Variants in SOCS6 observed in about 807,000 individuals in gnomAD.
SOCS6 encodes STAT induced STAT inhibitor-4.
SOCS6 carries 5 observed loss-of-function variants against 27.7 expected under a neutral mutation model. That is an observed-to-expected ratio of 0.18 (90% CI 0.09 to 0.38). The LOEUF (loss-of-function observed/expected upper bound fraction) is 0.38, where lower values mean the gene tolerates loss of function less well. Among genes scored for constraint, SOCS6 ranks in the 10% least tolerant of loss-of-function variants. The probability of loss-of-function intolerance (pLI) is 1.00; values close to 1 mark genes in which losing one functional copy is unlikely to be tolerated. For missense variants in SOCS6, 595 were observed against 688.1 expected, an observed-to-expected ratio of 0.86 and a Z score of 1.51; for synonymous variants, 271 against 260.0, an observed-to-expected ratio of 1.04 and a Z score of -0.41.
Position 70,326,558 on chromosome 18 carries a change from G to A in SOCS6, c.*282G>A. 2.8e-6 allele frequency: 1 copy of A among 359,478 alleles called. No homozygotes were observed. Among genetic ancestry groups the A allele is most frequent in the Non-Finnish European group, 5.2e-6 (1 of 190,614 alleles). The allele number at this position is 359,478 out of a possible 1,614,324, so 22.3% of individuals were successfully genotyped here. A position where few individuals can be genotyped will look rare whatever the true frequency, so the allele number is the denominator to read the frequency against. On this transcript the variant is annotated 3_prime_UTR_variant, in exon 2 of 2. Coordinates refer to ENST00000397942, the MANE Select transcript of SOCS6 (RefSeq NM_004232.4). ...TGTGAATTATCAAATTCTCCTCAAT[G>A]CCCCCCCCGCCCAGTCCTTTGCTGC...
rs1453432218 is a variant in SOCS6 at position 70,326,094 on chromosome 18, C to G, written c.1426C>G (p.Arg476Gly). The G allele has an allele frequency of 6.2e-7, 1 of 1,614,190 alleles. No homozygotes were observed. The change falls in exon 2 of 2, where the codon CGG becomes GGG. Residue 476 changes from arginine (R) to glycine (G), a missense_variant. Physicochemically the swap from Arg to Gly is moderately radical, Grantham distance 125 (BLOSUM62 -2). This residue lies in a region of SOCS6 where 128 missense variants were observed against 207.0 expected (regional missense o/e 0.62). Transcript: ENST00000397942. ...ENGAFCYSRS[R>G]LPGSATYPVR... ...TGGAGCTTTTTGTTATTCAAGGTCT[C>G]GGCTGCCTGGATCTGCAACTTACCC...
Position 70,329,790 on chromosome 18 carries a change from A to C in SOCS6, c.*3514A>C, listed in dbSNP as rs1033624755. 8.4e-5 allele frequency: 14 copies of C among 167,064 alleles called. No homozygotes were observed. Among genetic ancestry groups the C allele is most frequent in the African/African-American group, 3.4e-4 (14 of 41,454 alleles). 10.3% of individuals were successfully genotyped at this position (167,064 alleles called of 1,614,324 possible). On this transcript the variant is annotated 3_prime_UTR_variant, in exon 2 of 2. Coordinates refer to ENST00000397942, the MANE Select transcript of SOCS6 (RefSeq NM_004232.4). Reference sequence around the variant, plus strand: ...ATCCTGTAAAGAAGGGTTTTTATAAACATTCTTTTTATTAATCAGTCATAA... The same window carrying C: ...ATCCTGTAAAGAAGGGTTTTTATAACCATTCTTTTTATTAATCAGTCATAA...
intron 1 of SOCS6, among the ~76,000 whole-genome samples, chr18:70,294,917 A>G (rs1375556748): frequency 3.3e-5 from 5 of 152,392 alleles, no homozygotes; most frequent in African/African-American, 9.6e-5. Context: ...TTAAAAGGGC[A>G]TCACACTTGG....
intron 1 of SOCS6, among the ~76,000 whole-genome samples, chr18:70,306,040 C>A (rs1309928309): frequency 6.6e-6 from 1 of 152,040 alleles, no homozygotes; most frequent in Non-Finnish European, 1.5e-5. Context: ...GAGTTTAAGA[C>A]CAGCCTGGGA....
intron 1 of SOCS6, among the ~76,000 whole-genome samples, chr18:70,306,916 C>T (rs532327044): frequency 3.9e-5 from 6 of 152,196 alleles, no homozygotes; most frequent in African/African-American, 1.4e-4. Context: ...CTCATTTGGT[C>T]AAGGTATATA....
At chr18:70,311,279 G>A (rs1460834582) in intron 1 of SOCS6, among the ~76,000 whole-genome samples, 1 of 152,168 alleles carries the variant, frequency 6.6e-6, no homozygotes, top group East Asian at 1.9e-4. Flanking sequence ...GAAGCAAAAG[G>A]CTGAAATGAG....
chr18:70,312,623 T>A (rs1021726775), intron 1 of SOCS6, among the ~76,000 whole-genome samples: 10 of 152,206 alleles, frequency 6.6e-5, no homozygotes, highest in South Asian at 2.1e-4. Context: ...TCCTTTTCAA[T>A]GAATTTTAAA....
At chr18:70,310,132 T>TA (rs1600158439) in intron 1 of SOCS6, among the ~76,000 whole-genome samples, 1 of 152,262 alleles carries the variant, frequency 6.6e-6, no homozygotes, top group Admixed American at 6.5e-5. Context: ...CGTACACACT[T>TA]ACCATTTCCA....
intron 1 of SOCS6, among the ~76,000 whole-genome samples, chr18:70,321,616 C>T (rs1260176623): frequency 6.6e-6 from 1 of 151,560 alleles, no homozygotes; most frequent in Non-Finnish European, 1.5e-5. Flanking sequence ...AGAAGTGAGC[C>T]ATCATGCCCC....
chr18:70,291,417 G>A (rs1012222008), intron 1 of SOCS6, among the ~76,000 whole-genome samples: 2 of 152,180 alleles, frequency 1.3e-5, no homozygotes, highest in Non-Finnish European at 2.9e-5. Flanking sequence ...GTCCTCTTAA[G>A]CCTTCTTGTG....
chr18:70,325,999 A>G lies in SOCS6; in HGVS notation c.1331A>G (p.Glu444Gly). 6.2e-7 allele frequency: 1 copy of G among 1,614,260 alleles called. No individual in the cohort carries two copies. Among genetic ancestry groups the G allele is most frequent in the Non-Finnish European group, 8.5e-7 (1 of 1,180,038 alleles). ...EHSNGRFSFY[E>G]QPDVEGHTSI... ...TCAAATGGTAGGTTTAGCTTTTATGAACAGCCAGATGTGGAAGGACATACG... is the reference window on the plus strand; with the variant it reads ...TCAAATGGTAGGTTTAGCTTTTATGGACAGCCAGATGTGGAAGGACATACG... The change falls in exon 2 of 2, where the codon GAA (glutamate) becomes GGA (glycine). Residue 444 changes from glutamate (E) to glycine (G), a missense_variant. By Grantham distance (98) the Glu-to-Gly change is moderately conservative (BLOSUM62 -2). Around this residue, in one of 2 missense-constraint regions of SOCS6, gnomAD observed 128 missense variants for 207.0 expected, o/e 0.62. Coordinates refer to ENST00000397942, the MANE Select transcript of SOCS6 (RefSeq NM_004232.4). The surrounding 1 kb of genome is among the most constrained non-coding windows in gnomAD (Gnocchi z 6.3).
chr18:70,318,978 A>G (rs1309136129), intron 1 of SOCS6, among the ~76,000 whole-genome samples: 2 of 152,132 alleles, frequency 1.3e-5, no homozygotes, highest in Non-Finnish European at 2.9e-5. Flanking sequence ...AGAGAAAAGA[A>G]GAAAGAAAGA....
intron 1 of SOCS6, among the ~76,000 whole-genome samples, chr18:70,322,642 C>T (rs905101982): frequency 2.6e-5 from 4 of 152,108 alleles, no homozygotes; most frequent in African/African-American, 9.7e-5. Context: ...ACTGAGTTCA[C>T]CTAATATACA....
At chr18:70,305,547 T>C (rs1279130699) in intron 1 of SOCS6, among the ~76,000 whole-genome samples, 3 of 152,226 alleles carry the variant, frequency 2.0e-5, no homozygotes, top group Non-Finnish European at 2.9e-5. Context: ...TTTTCAAAAT[T>C]GCATTTCAAT....
At chr18:70,323,325 C>G (rs1056785969) in intron 1 of SOCS6, among the ~76,000 whole-genome samples, 1 of 152,160 alleles carries the variant, frequency 6.6e-6, no homozygotes, top group African/African-American at 2.4e-5. Context: ...GTTAGGATCA[C>G]TTAACGTGGT....
At position 70,325,959 on chromosome 18, in the gene SOCS6, A is replaced by G. The variant is rs768619810; in HGVS notation, c.1291A>G (p.Thr431Ala). 2 of 1,614,252 alleles carry G rather than the reference A, an allele frequency of 1.2e-6. No homozygotes were observed. The highest frequency in any genetic ancestry group is 1.1e-5 in the South Asian group (1 of 91,088). Residue 431 changes from threonine (T) to alanine (A), a missense_variant, in exon 2 of 2, where the codon ACT becomes GCT. This residue lies in a region of SOCS6 where 128 missense variants were observed against 207.0 expected (regional missense o/e 0.62). Coordinates refer to ENST00000397942, the MANE Select transcript of SOCS6 (RefSeq NM_004232.4). This position sits in a 1 kb window ranked among gnomAD's most constrained non-coding sequence, Gnocchi z 6.3. Reference protein sequence around the residue: ...SFRSHGKTLHTRIEHSNGRFS... With the variant: ...SFRSHGKTLHARIEHSNGRFS... Reference sequence around the variant, plus strand: ...TCGCTCCCATGGTAAAACACTTCACACTAGAATTGAGCACTCAAATGGTAG... The same window carrying G: ...TCGCTCCCATGGTAAAACACTTCACGCTAGAATTGAGCACTCAAATGGTAG...
At chr18:70,304,028 A>G (rs1166299367) in intron 1 of SOCS6, among the ~76,000 whole-genome samples, 1 of 152,224 alleles carries the variant, frequency 6.6e-6, no homozygotes, top group Non-Finnish European at 1.5e-5. Context: ...GATTTAATCA[A>G]GGACTTAAAT....
At position 70,328,045 on chromosome 18, in the gene SOCS6, A is replaced by T. The variant is rs1294461595; in HGVS notation, c.*1769A>T. 3.0e-5 allele frequency: 5 copies of T among 167,018 alleles called. No individual in the cohort carries two copies. The highest frequency in any genetic ancestry group is 1.2e-4 in the African/African-American group (5 of 41,456). The allele number at this position is 167,018 out of a possible 1,614,324, so 10.3% of individuals were successfully genotyped here. A position where few individuals can be genotyped will look rare whatever the true frequency, so the allele number is the denominator to read the frequency against. On this transcript the variant is annotated 3_prime_UTR_variant, in exon 2 of 2. Coordinates refer to ENST00000397942, the MANE Select transcript of SOCS6 (RefSeq NM_004232.4). ...GGGATGTTGATTGTACCTTGTTAAAAAGACTCTCATTTTCTCATATGTTTT... is the reference window on the plus strand; with the variant it reads ...GGGATGTTGATTGTACCTTGTTAAATAGACTCTCATTTTCTCATATGTTTT...
In SOCS6 at chr18:70,324,817, A is replaced by C. The variant is rs377209302; in HGVS notation, c.149A>C (p.Asp50Ala). 2 of 1,614,122 alleles carry C rather than the reference A, an allele frequency of 1.2e-6. No individual in the cohort carries two copies. The highest frequency in any genetic ancestry group is 2.7e-5 in the African/African-American group (2 of 74,948). Residue 50 changes from aspartate (D) to alanine (A), a missense_variant, in exon 2 of 2, where the codon GAT (aspartate) becomes GCT (alanine). Coordinates refer to ENST00000397942, the MANE Select transcript of SOCS6 (RefSeq NM_004232.4). ...TTATTTGGTAGCTGCTATGGTAAAGATATGGCCAGCTGCGATATCAACGGT... is the reference window on the plus strand; with the variant it reads ...TTATTTGGTAGCTGCTATGGTAAAGCTATGGCCAGCTGCGATATCAACGGT... ...DSLFGSCYGK[D>A]MASCDINGED...
Sources: gnomAD v4.1 joint callset for allele counts (sites outside exome capture counted in the v4.1 genomes callset) on GRCh38, gnomAD v4.1.1 for gene constraint, gnomAD v4.1.1 regional missense constraint, Gnocchi (gnomAD v3.1) non-coding constraint, MANE v1.5 for transcripts, NCBI Gene and HGNC (gene_info 2026-07-23, HGNC 2026-07-21) for gene names.